The following C3 variants were observed in gnomAD, a reference collection of about 807,000 sequenced individuals.
C3 encodes the protein complement C3.
C3 carries 97 observed loss-of-function variants against 207.9 expected under a neutral mutation model. That is an observed-to-expected ratio of 0.47 (90% CI 0.40 to 0.55). The LOEUF (loss-of-function observed/expected upper bound fraction) is 0.55. C3 is among the 20% of genes least tolerant of loss of function. The pLI, the probability that C3 is intolerant of heterozygous loss-of-function variation, is 0.00. For missense variants in C3, 1,684 were observed against 2,171.7 expected, an observed-to-expected ratio of 0.78 and a Z score of 4.46; for synonymous variants, 848 against 857.6, an observed-to-expected ratio of 0.99 and a Z score of 0.20.
Position 6,697,460 on chromosome 19 carries a change from A to C in C3, c.2680T>G (p.Leu894Val), listed in dbSNP as rs764671788. Residue 894 changes from leucine to valine, a missense_variant, in exon 21 of 41, where the codon TTG becomes GTG. Coordinates refer to ENST00000245907, the MANE Select transcript of C3 (RefSeq NM_000064.4). ...GGCACGATGACATATGGAACGGACA[A>C]CGAGGACTTGGGGGGGATGGTTACG... Reference protein sequence around the residue: ...QTVTIPPKSSLSVPYVIVPLK... With the variant: ...QTVTIPPKSSVSVPYVIVPLK... 1 of 1,613,608 alleles carries C rather than the reference A, an allele frequency of 6.2e-7. No homozygotes were observed. Among genetic ancestry groups the C allele is most frequent in the Non-Finnish European group, 8.5e-7 (1 of 1,179,924 alleles).
chr19:6,693,521 C>A (rs767650647), intron 24 of C3, 34 bp from the exon 25 acceptor site: 1 of 1,542,604 alleles, frequency 6.5e-7, no homozygotes, highest in East Asian at 2.4e-5. Flanking sequence ...CCAAAAGAGC[C>A]GGGGCTGAGC....
Position 6,711,042 on chromosome 19 carries a change from A to G in C3, c.1424T>C (p.Phe475Ser). The G allele has an allele frequency of 6.2e-7, 1 of 1,613,968 alleles. No homozygotes were observed. The highest frequency in any genetic ancestry group is 1.6e-4 in the Middle Eastern group (1 of 6,062). The change falls in exon 12 of 41, where the codon TTC (phenylalanine) becomes TCC (serine). Residue 475 changes from phenylalanine to serine, a missense_variant. This residue lies in a region of C3 where 1,280 missense variants were observed against 1,739.1 expected (regional missense o/e 0.74). Coordinates refer to ENST00000245907, the MANE Select transcript of C3 (RefSeq NM_000064.4). ...GTGGGCGCGGTCCATTCGCAGGAGGAAGTTGACGTTGAGGGTCTCCCCGGG... is the reference window on the plus strand; with the variant it reads ...GTGGGCGCGGTCCATTCGCAGGAGGGAGTTGACGTTGAGGGTCTCCCCGGG... The part of the protein sequence containing the change: ...LRPGETLNVN[F>S]LLRMDRAHEA...
chr19:6,689,311 C>CCTCT, intron 27 of C3, among the ~76,000 whole-genome samples: 1 of 125,542 alleles, frequency 8.0e-6, no homozygotes, highest in South Asian at 2.5e-4. Flanking sequence ...CTCTCTCTCT[C>CCTCT]TCTCTCTCTC....
At chr19:6,703,647 G>A (rs190753607) in intron 17 of C3, among the ~76,000 whole-genome samples, 15 of 152,118 alleles carry the variant, frequency 9.9e-5, no homozygotes, top group African/African-American at 3.6e-4. Context: ...ATGTGCATGT[G>A]GCTCTAAAGG....
At chr19:6,718,818 T>C (rs1828143872) in intron 2 of C3, among the ~76,000 whole-genome samples, 1 of 125,186 alleles carries the variant, frequency 8.0e-6, no homozygotes. Context: ...GGGAGGGACT[T>C]AGAGGGGGAG....
At chr19:6,705,002 G>T (rs542151799) in intron 17 of C3, among the ~76,000 whole-genome samples, 1,613 of 152,072 alleles carry the variant, frequency 0.011, 8 homozygotes, top group Non-Finnish European at 0.015. Context: ...GCCTCCCAAA[G>T]TGCTGGGATC....
At chr19:6,718,203 G>T (rs1229208177) in intron 3 of C3, 39 bp from the exon 4 acceptor site, 1 of 1,613,936 alleles carries the variant, frequency 6.2e-7, no homozygotes. Context: ...ACCCTAGCCC[G>T]CCCACGCCGG....
At chr19:6,704,408 G>T (rs939291425) in intron 17 of C3, among the ~76,000 whole-genome samples, 2 of 152,086 alleles carry the variant, frequency 1.3e-5, no homozygotes, top group Admixed American at 6.6e-5. Flanking sequence ...GCTTTAATTG[G>T]GTTCTGGATC....
rs745557311 is a variant in C3, at chr19:6,705,863, G to A, written c.2245+1213C>T. ...CTATTTTTGCATTTTTAGTAGAGAC[G>A]GGGTTTCACCATGTTGGCCAGACTA... On this transcript the variant is annotated intron_variant, in intron 17 of 40. Transcript: ENST00000245907. Among the ~76,000 whole-genome samples, 7 of 151,628 alleles carry A rather than the reference G, an allele frequency of 4.6e-5. No homozygotes were observed. In the South Asian group the frequency reaches 6.2e-4, roughly 14 times the overall value.
At chr19:6,718,523 T>TCCGAGGTGGCCGTTTTGGGGAGGGAG in intron 2 of C3, 111 bp from the exon 3 acceptor site, 1 of 1,342,494 alleles carries the variant, frequency 7.4e-7, no homozygotes, top group Non-Finnish European at 1.1e-6. Context: ...TTCTTGGTCT[T>TCCGAGGTGGCCGTTTTGGGGAGGGAG]CCGAGGTGGC....
intron 16 of C3, 26 bp downstream of exon 16, chr19:6,707,440 C>T: frequency 1.2e-6 from 2 of 1,612,738 alleles, no homozygotes; most frequent in Non-Finnish European, 1.7e-6. Context: ...GGCTCGGGGG[C>T]AGGAGTGGGT....
At chr19:6,696,764 G>C (rs966386440) in intron 21 of C3, 105 bp from the exon 22 acceptor site, 2 of 1,153,996 alleles carry the variant, frequency 1.7e-6, no homozygotes, top group African/African-American at 1.5e-5. Context: ...TAGCATTGCC[G>C]GGCGCGGTGG....
rs1918023177 is a variant in C3, at chr19:6,686,901, C to T, written c.3491G>A (p.Ser1164Asn). 1 of 1,614,010 alleles carries T rather than the reference C, an allele frequency of 6.2e-7. No homozygotes were observed. Among genetic ancestry groups the T allele is most frequent in the Admixed American group, 1.7e-5 (1 of 59,998 alleles). The change falls in exon 28 of 41, where the codon AGC becomes AAC. Residue 1164 changes from serine to asparagine, a missense_variant and splice_region_variant. By Grantham distance (46) the Ser-to-Asn change is conservative. Transcript: ENST00000245907. ...AKDICEEQVN[S>N]LPGSITKAGD... ...TGCTTTAGTGATGCTGCCTGGCAGGCTCTATGAGAAAGAGGATCAGATTCT... is the reference window on the plus strand; with the variant it reads ...TGCTTTAGTGATGCTGCCTGGCAGGTTCTATGAGAAAGAGGATCAGATTCT...
chr19:6,702,523 G>C lies in C3; in HGVS notation c.2302C>G (p.Pro768Ala). Residue 768 changes from proline to alanine, a missense_variant, in exon 18 of 41, where the codon CCA (proline) becomes GCA (alanine). Pro to Ala is a conservative substitution (Grantham distance 27). This residue lies in a region of C3 where 1,280 missense variants were observed against 1,739.1 expected (regional missense o/e 0.74). Coordinates refer to ENST00000245907, the MANE Select transcript of C3 (RefSeq NM_000064.4). ...EENIVSRSEF[P>A]ESWLWNVEDL... is the part of the protein sequence containing the mutation. ...TCAACGTTCCACAGCCAGCTCTCTG[G>C]GAACTCACTTCGGGAAACGATGTTC... The C allele has an allele frequency of 3.7e-6, 6 of 1,614,194 alleles. No individual in the cohort carries two copies. The highest frequency in any genetic ancestry group is 5.1e-6 in the Non-Finnish European group (6 of 1,179,998).
intron 16 of C3, 27 bp downstream of exon 16, chr19:6,707,439 G>A: frequency 6.2e-7 from 1 of 1,612,254 alleles, no homozygotes; most frequent in Non-Finnish European, 8.5e-7. Flanking sequence ...GGGCTCGGGG[G>A]CAGGAGTGGG....
rs2145399217 is a variant in C3 at position 6,687,177 on chromosome 19, C to G, written c.3490-275G>C. On this transcript the variant is annotated intron_variant, in intron 27 of 40. Coordinates refer to ENST00000245907, the MANE Select transcript of C3 (RefSeq NM_000064.4). ...TCTCCAGTGGGAGGGTTGAGGGATCCTTGGTTTATAATGATTTACAATTTC... is the reference window on the plus strand; with the variant it reads ...TCTCCAGTGGGAGGGTTGAGGGATCGTTGGTTTATAATGATTTACAATTTC... Among the ~76,000 whole-genome samples, 3 of 151,596 alleles carry G rather than the reference C, an allele frequency of 2.0e-5. No homozygotes were observed. The South Asian group carries it at 6.3e-4, about 32-fold the overall frequency.
At chr19:6,720,006 A>C (rs1488335024) in intron 1 of C3, among the ~76,000 whole-genome samples, 1 of 152,088 alleles carries the variant, frequency 6.6e-6, no homozygotes, top group Admixed American at 6.6e-5. Flanking sequence ...TGAAAATTGC[A>C]AGTCCCCAAG....
rs369673832 is a variant in C3, at chr19:6,696,664, G to A, written c.2797-5C>T. On this transcript the variant is annotated splice_polypyrimidine_tract_variant and splice_region_variant and intron_variant, in intron 21 of 40. Coordinates refer to ENST00000245907, the MANE Select transcript of C3 (RefSeq NM_000064.4). ...GTTCATTCTGATTCCTTCCGGCTAC[G>A]CAGTGTTAGAGGTGGGGGGAGTCGT... 9.8e-5 allele frequency: 158 copies of A among 1,613,522 alleles called. No homozygotes were observed. In the Middle Eastern group the frequency reaches 2.3e-3, roughly 24 times the overall value.
chr19:6,702,526 A>G lies in C3; in HGVS notation c.2299T>C (p.Phe767Leu). 6.2e-7 allele frequency: 1 copy of G among 1,614,112 alleles called. No individual in the cohort carries two copies. The highest frequency in any genetic ancestry group is 8.5e-7 in the Non-Finnish European group (1 of 1,179,976). Residue 767 changes from phenylalanine to leucine, a missense_variant, in exon 18 of 41, where the codon TTC becomes CTC. Around this residue, in one of 3 missense-constraint regions of C3, gnomAD observed 1,280 missense variants for 1,739.1 expected, o/e 0.74. Coordinates refer to ENST00000245907, the MANE Select transcript of C3 (RefSeq NM_000064.4). Reference sequence around the variant, plus strand: ...ACGTTCCACAGCCAGCTCTCTGGGAACTCACTTCGGGAAACGATGTTCTCT... The same window carrying G: ...ACGTTCCACAGCCAGCTCTCTGGGAGCTCACTTCGGGAAACGATGTTCTCT... ...AEENIVSRSE[F>L]PESWLWNVED...
Sources: allele counts gnomAD v4.1 joint callset (sites outside exome capture counted in the v4.1 genomes callset), GRCh38; gene constraint gnomAD v4.1.1; regional missense constraint gnomAD v4.1.1; transcripts MANE v1.5; gene names NCBI Gene and HGNC (gene_info 2026-07-23, HGNC 2026-07-21).